PACRG: variants seen among roughly 807,000 people sequenced by gnomAD.
PACRG encodes the protein parkin coregulated gene protein.
PACRG carries 29 observed loss-of-function variants against 29.7 expected under a neutral mutation model. That is an observed-to-expected ratio of 0.98 (90% CI 0.73 to 1.33). PACRG has a LOEUF of 1.33. Ranked by LOEUF, PACRG falls within the 40% of genes most tolerant of loss-of-function variation. PACRG has a pLI of 0.00. For missense variants in PACRG, 279 were observed against 316.2 expected, an observed-to-expected ratio of 0.88 and a Z score of 0.89; for synonymous variants, 116 against 118.7, an observed-to-expected ratio of 0.98 and a Z score of 0.15.
intron 4 of PACRG, among the ~76,000 whole-genome samples, chr6:163,209,169 T>G (rs1781033563): frequency 6.6e-6 from 1 of 152,222 alleles, no homozygotes; most frequent in African/African-American, 2.4e-5. Flanking sequence ...CACAGTGAAC[T>G]GTTGTTAGTA....
intron 2 of PACRG, among the ~76,000 whole-genome samples, chr6:162,899,559 G>A (rs567035081): frequency 7.2e-5 from 11 of 152,280 alleles, no homozygotes; most frequent in African/African-American, 2.6e-4. Context: ...GCAGGAAGCT[G>A]TCCTTCCATC....
chr6:163,143,231 A>G (rs1299052218), intron 4 of PACRG, among the ~76,000 whole-genome samples: 1 of 152,130 alleles, frequency 6.6e-6, no homozygotes, highest in African/African-American at 2.4e-5. Flanking sequence ...GTTTATAAAA[A>G]AATAAAAAGT....
chr6:162,763,297 C>G (rs1782524482), intron 1 of PACRG, among the ~76,000 whole-genome samples: 1 of 152,176 alleles, frequency 6.6e-6, no homozygotes, highest in Non-Finnish European at 1.5e-5. Context: ...CTGACCCTCT[C>G]TCCTTGAGAA....
chr6:162,919,913 A>G (rs796838239), intron 2 of PACRG, among the ~76,000 whole-genome samples: 30 of 152,322 alleles, frequency 2.0e-4, no homozygotes, highest in African/African-American at 6.3e-4. Context: ...TAACTATTTT[A>G]TTAAAATAAT....
chr6:162,998,244 G>C (rs904008052), intron 2 of PACRG, among the ~76,000 whole-genome samples: 2 of 152,164 alleles, frequency 1.3e-5, no homozygotes, highest in Non-Finnish European at 2.9e-5. Context: ...AGGAGTCCTA[G>C]CTTTAAGCAG....
intron 4 of PACRG, among the ~76,000 whole-genome samples, chr6:163,218,493 T>G (rs539288852): frequency 6.6e-6 from 1 of 152,290 alleles, no homozygotes; most frequent in African/African-American, 2.4e-5. Flanking sequence ...GGCCACGTCC[T>G]CAACACTGAC....
At chr6:162,772,482 G>A (rs1783298313) in intron 1 of PACRG, among the ~76,000 whole-genome samples, 1 of 152,118 alleles carries the variant, frequency 6.6e-6, no homozygotes. Context: ...CAATTTTCTT[G>A]GAGAAATAAG....
Position 163,273,074 on chromosome 6 carries a change from T to A in PACRG, c.614-41753T>A, listed in dbSNP as rs1005743649. Among the ~76,000 whole-genome samples the A allele has an allele frequency of 2.7e-5, 4 of 149,026 alleles. No individual in the cohort carries two copies. In the East Asian group the frequency reaches 7.8e-4, roughly 29 times the overall value. On this transcript the variant is annotated intron_variant, in intron 4 of 4. Coordinates refer to ENST00000366888, the MANE Select transcript of PACRG (RefSeq NM_001080379.2). ...GCCCGGCTAATTTTTTGTATTTTTT[T>A]AGTAGAGACGGGGTTTCACCGTTTT...
chr6:163,165,883 C>T lies in PACRG; in HGVS notation c.613+76475C>T, dbSNP rs147486264. On this transcript the variant is annotated intron_variant, in intron 4 of 4. Coordinates refer to ENST00000366888, the MANE Select transcript of PACRG (RefSeq NM_001080379.2). ...AGAATGGGGCGACAGGGGGAGAGAA[C>T]GAATGAAAGGGCTTCATTGCATCTA... 1.0e-3 allele frequency: 360 copies of T among 351,942 alleles called. 1 individual carries two copies. The highest frequency in any genetic ancestry group is 7.3e-3 in the African/African-American group (340 of 46,628). The allele number at this position is 351,942 out of a possible 1,614,324, so 21.8% of individuals were successfully genotyped here. A position where few individuals can be genotyped will look rare whatever the true frequency, so the allele number is the denominator to read the frequency against.
At chr6:163,013,526 A>G (rs1224404915) in intron 2 of PACRG, among the ~76,000 whole-genome samples, 2 of 150,694 alleles carry the variant, frequency 1.3e-5, no homozygotes, top group African/African-American at 4.8e-5. Context: ...ACCCTCAGAT[A>G]TAGTCAAATC....
intron 4 of PACRG, among the ~76,000 whole-genome samples, chr6:163,236,552 A>G (rs1782245832): frequency 6.7e-6 from 1 of 150,226 alleles, no homozygotes; most frequent in African/African-American, 2.5e-5. Flanking sequence ...GATGGGAAAT[A>G]TGACTGTGTT....
chr6:162,793,435 A>G (rs1343407035), intron 1 of PACRG, among the ~76,000 whole-genome samples: 4 of 152,188 alleles, frequency 2.6e-5, no homozygotes, highest in Non-Finnish European at 4.4e-5. Flanking sequence ...TCTGGAGGAA[A>G]CAGCTCCTTG....
At chr6:163,100,644 C>A in intron 4 of PACRG, 1 of 452,974 alleles carries the variant, frequency 2.2e-6, no homozygotes. Context: ...CAGCTCCCTG[C>A]CACACCTGTG....
chr6:162,984,145 C>T (rs1802677284), intron 2 of PACRG, among the ~76,000 whole-genome samples: 1 of 151,724 alleles, frequency 6.6e-6, no homozygotes. Context: ...ACACAGTGTC[C>T]AATGTGTAGT....
chr6:163,005,522 A>C (rs2128204753), intron 2 of PACRG, among the ~76,000 whole-genome samples: 1 of 151,856 alleles, frequency 6.6e-6, no homozygotes, highest in East Asian at 1.9e-4. Flanking sequence ...AATACTTAAA[A>C]ATTTTTCTTC....
chr6:163,003,869 A>G (rs1253784485), intron 2 of PACRG, among the ~76,000 whole-genome samples: 1 of 152,214 alleles, frequency 6.6e-6, no homozygotes, highest in Non-Finnish European at 1.5e-5. Flanking sequence ...ACCAAAGCTT[A>G]CAATGATTAA....
At chr6:162,740,799 C>T (rs554576451) in intron 1 of PACRG, among the ~76,000 whole-genome samples, 1 of 151,636 alleles carries the variant, frequency 6.6e-6, no homozygotes, top group South Asian at 2.1e-4. Context: ...GGGGGTTTCA[C>T]CATGTTAGCC....
intron 2 of PACRG, among the ~76,000 whole-genome samples, chr6:163,001,655 A>T (rs1363305312): frequency 6.6e-6 from 1 of 152,140 alleles, no homozygotes; most frequent in East Asian, 1.9e-4. Context: ...TTGTTACTTT[A>T]GGGAATTGTC....
At chr6:163,291,043 C>G (rs566331096) in intron 4 of PACRG, among the ~76,000 whole-genome samples, 1 of 152,208 alleles carries the variant, frequency 6.6e-6, no homozygotes, top group Non-Finnish European at 1.5e-5. Flanking sequence ...CCTCAAATGC[C>G]GGTGTTCCTG....
Sources: gnomAD v4.1 joint callset for allele counts (sites outside exome capture counted in the v4.1 genomes callset) on GRCh38, gnomAD v4.1.1 for gene constraint, MANE v1.5 for transcripts, NCBI Gene and HGNC (gene_info 2026-07-23, HGNC 2026-07-21) for gene names.